CNTN1: variants seen among roughly 807,000 people sequenced by gnomAD.
The protein encoded by CNTN1 is contactin-1.
In CNTN1, 38 loss-of-function variants were observed where a neutral mutation model predicts 126.4. That is an observed-to-expected ratio of 0.30 (90% CI 0.23 to 0.39). The LOEUF (loss-of-function observed/expected upper bound fraction) is 0.39, where lower values mean the gene tolerates loss of function less well. CNTN1 is among the 10% of genes least tolerant of loss of function. The pLI is 1.00. For synonymous variants in CNTN1, 413 were observed against 422.6 expected, an observed-to-expected ratio of 0.98 and a Z score of 0.28; for missense variants, 1,009 against 1,248.4, an observed-to-expected ratio of 0.81 and a Z score of 2.89.
At chr12:41,005,139 C>G (rs1389840695) in intron 17 of CNTN1, 1 of 151,996 alleles carries the variant, frequency 6.6e-6, no homozygotes, top group East Asian at 1.9e-4. Flanking sequence ...TAATAAATTC[C>G]TTCAGTGTTT....
chr12:40,780,799 T>A (rs1939765318), intron 1 of CNTN1, among the ~76,000 whole-genome samples: 1 of 151,698 alleles, frequency 6.6e-6, no homozygotes, highest in Non-Finnish European at 1.5e-5. Context: ...AGCCTCTTTT[T>A]TTTTTTCAGA....
intron 1 of CNTN1, among the ~76,000 whole-genome samples, chr12:40,794,321 G>C (rs1383555817): frequency 6.6e-6 from 1 of 152,008 alleles, no homozygotes; most frequent in Non-Finnish European, 1.5e-5. Flanking sequence ...GTGAAGAGTT[G>C]TGCCAGCCAG....
intron 1 of CNTN1, among the ~76,000 whole-genome samples, chr12:40,892,929 A>C (rs556754750): frequency 5.6e-5 from 8 of 142,644 alleles, no homozygotes; most frequent in African/African-American, 2.2e-4. Context: ...TAATCAAAAC[A>C]AATGGAACTC....
intron 20 of CNTN1, among the ~76,000 whole-genome samples, chr12:41,023,906 T>A (rs1251563038): frequency 1.3e-5 from 2 of 152,134 alleles, no homozygotes; most frequent in African/African-American, 4.8e-5. Flanking sequence ...GAAGCAGGTA[T>A]GAGGAAAAGG....
chr12:40,927,382 G>A (rs182876937), intron 6 of CNTN1, among the ~76,000 whole-genome samples: 3 of 152,134 alleles, frequency 2.0e-5, no homozygotes, highest in East Asian at 1.9e-4. Flanking sequence ...CATCTCATCC[G>A]TAAGTCGGAG....
intron 15 of CNTN1, 123 bp downstream of exon 15, chr12:40,959,357 G>A (rs1201719698): frequency 9.7e-7 from 1 of 1,033,120 alleles, no homozygotes; most frequent in Admixed American, 1.9e-5. Flanking sequence ...CCATGCTTAA[G>A]AATGGATCTT....
intron 1 of CNTN1, among the ~76,000 whole-genome samples, chr12:40,719,269 C>G (rs1014152373): frequency 1.3e-5 from 2 of 152,174 alleles, no homozygotes; most frequent in East Asian, 3.9e-4. Flanking sequence ...AATATATGAA[C>G]ACAATGGGAA....
chr12:40,879,103 G>A (rs1943785128), intron 1 of CNTN1, among the ~76,000 whole-genome samples: 1 of 152,142 alleles, frequency 6.6e-6, no homozygotes, highest in African/African-American at 2.4e-5. Context: ...GTGCCTTGGA[G>A]TTGGCTCATG....
At chr12:40,722,927 G>A (rs553208710) in intron 1 of CNTN1, among the ~76,000 whole-genome samples, 159 of 152,172 alleles carry the variant, frequency 1.0e-3, no homozygotes, top group Non-Finnish European at 1.9e-3. Context: ...AAGGTGTTTT[G>A]AAGATAGAGT....
intron 23 of CNTN1, among the ~76,000 whole-genome samples, chr12:41,050,857 T>C (rs974713057): frequency 6.6e-6 from 1 of 152,198 alleles, no homozygotes; most frequent in Admixed American, 6.5e-5. Context: ...TCGTTACATA[T>C]TATTTTTCCA....
intron 1 of CNTN1, among the ~76,000 whole-genome samples, chr12:40,813,038 C>CTTTCTTTCTTTCTTTCCTTCTTTCTTT (rs1211719482): frequency 1.2e-5 from 1 of 84,950 alleles, no homozygotes; most frequent in Admixed American, 1.4e-4. Flanking sequence ...CTCTTTCTTT[C>CTTTCTTTCTTTCTTTCCTTCTTTCTTT]CTTTCTTTCT....
chr12:40,959,597 T>C (rs1947034667), intron 15 of CNTN1, among the ~76,000 whole-genome samples: 1 of 152,132 alleles, frequency 6.6e-6, no homozygotes, highest in African/African-American at 2.4e-5. Context: ...TATATACTGA[T>C]GCTGTTTACT....
chr12:40,925,505 TTA>T (rs1366504445), intron 6 of CNTN1, among the ~76,000 whole-genome samples: 1 of 147,928 alleles, frequency 6.8e-6, no homozygotes, highest in African/African-American at 2.5e-5. Flanking sequence ...TCACACAAAA[TTA>T]TGTTATATAT....
At chr12:40,909,688 C>A (rs1944959723) in intron 2 of CNTN1, among the ~76,000 whole-genome samples, 1 of 151,094 alleles carries the variant, frequency 6.6e-6, no homozygotes, top group Non-Finnish European at 1.5e-5. Flanking sequence ...TATTTTATAA[C>A]CAGGGTAATT....
chr12:40,930,994 A>C (rs1422710404), intron 7 of CNTN1, among the ~76,000 whole-genome samples: 1 of 151,882 alleles, frequency 6.6e-6, no homozygotes, highest in Non-Finnish European at 1.5e-5. Context: ...GCAATTCAGC[A>C]CTTCTATTTA....
At chr12:40,841,559 T>TTTTGTTATGG (rs1466052149) in intron 1 of CNTN1, among the ~76,000 whole-genome samples, 1 of 151,744 alleles carries the variant, frequency 6.6e-6, no homozygotes, top group Non-Finnish European at 1.5e-5. Flanking sequence ...TCCAATAACA[T>TTTTGTTATGG]AACAAAAAGA....
At chr12:40,922,058 T>C (rs1455323632) in intron 4 of CNTN1, among the ~76,000 whole-genome samples, 198 bp from the exon 5 acceptor site, 1 of 152,210 alleles carries the variant, frequency 6.6e-6, no homozygotes, top group Non-Finnish European at 1.5e-5. Flanking sequence ...TGTTTCCTTG[T>C]CTGTACTTGA....
chr12:40,766,004 G>A (rs1024132807), intron 1 of CNTN1, among the ~76,000 whole-genome samples: 37 of 152,170 alleles, frequency 2.4e-4, no homozygotes, highest in African/African-American at 8.4e-4. Flanking sequence ...GGGAAACTAA[G>A]AGGAGGAAAG....
chr12:40,714,582 G>T (rs1311011274), intron 1 of CNTN1, among the ~76,000 whole-genome samples: 1 of 152,076 alleles, frequency 6.6e-6, no homozygotes, highest in African/African-American at 2.4e-5. Flanking sequence ...CAGCTTTCCT[G>T]CAGGCTTTCA....
Sources: allele counts gnomAD v4.1 joint callset (sites outside exome capture counted in the v4.1 genomes callset), GRCh38; gene constraint gnomAD v4.1.1; transcripts MANE v1.5; gene names NCBI Gene and HGNC (gene_info 2026-07-23, HGNC 2026-07-21).